Variants in NBAS observed in about 807,000 individuals in gnomAD.
The protein encoded by NBAS is NBAS subunit of NRZ tethering complex, also known as NAG/BC035112 fusion.
Under a neutral mutation model 302.5 loss-of-function variants are expected in NBAS, and 219 were observed. The ratio of observed to expected loss-of-function variants is 0.72; its 90% confidence interval spans 0.65 to 0.81. The LOEUF is 0.81. NBAS is among the 30% of genes least tolerant of loss of function. NBAS has a pLI of 0.00. For synonymous variants in NBAS, 1,118 were observed against 1,021.6 expected, an observed-to-expected ratio of 1.09 and a Z score of -1.80; for missense variants, 2,932 against 2,841.6, an observed-to-expected ratio of 1.03 and a Z score of -0.72.
chr2:15,365,779 C>CAT (rs541447448), intron 32 of NBAS, among the ~76,000 whole-genome samples: 82 of 152,136 alleles, frequency 5.4e-4, no homozygotes, highest in Non-Finnish European at 8.4e-4. Context: ...AAATATGTTA[C>CAT]ATATATATAT....
intron 25 of NBAS, among the ~76,000 whole-genome samples, chr2:15,408,347 A>T (rs1676520568): frequency 6.6e-6 from 1 of 152,144 alleles, no homozygotes; most frequent in Admixed American, 6.5e-5. Context: ...CTACCTTCTT[A>T]CTATTGTTCA....
the NBAS span, among the ~76,000 whole-genome samples, chr2:15,049,123 CA>C: frequency 7.6e-6 from 1 of 131,574 alleles, no homozygotes; most frequent in African/African-American, 2.9e-5. Flanking sequence ...AGGCTTTTTC[CA>C]AACCTGGGGT....
the NBAS span, among the ~76,000 whole-genome samples, chr2:15,036,757 G>C: frequency 1.3e-5 from 2 of 152,164 alleles, no homozygotes; most frequent in African/African-American, 4.8e-5. Context: ...CAGGTAGACA[G>C]GGCAGGTTGC....
At chr2:14,870,067 T>A in the NBAS span, among the ~76,000 whole-genome samples, 2 of 152,316 alleles carry the variant, frequency 1.3e-5, no homozygotes, top group African/African-American at 4.8e-5. Context: ...CAAACATTGG[T>A]CAACAGGTAG....
At chr2:14,954,908 A>G in the NBAS span, among the ~76,000 whole-genome samples, 1 of 152,062 alleles carries the variant, frequency 6.6e-6, no homozygotes, top group Admixed American at 6.5e-5. Flanking sequence ...TGCACTCCTG[A>G]CCCCTTCCAA....
intron 42 of NBAS, among the ~76,000 whole-genome samples, 159 bp from the exon 43 acceptor site, chr2:15,277,260 G>T (rs1669629389): frequency 6.6e-6 from 1 of 152,088 alleles, no homozygotes; most frequent in Non-Finnish European, 1.5e-5. Context: ...CCTGAATAAA[G>T]GAAAACAAAT....
chr2:14,880,393 C>T, the NBAS span, among the ~76,000 whole-genome samples: 1 of 151,892 alleles, frequency 6.6e-6, no homozygotes, highest in African/African-American at 2.4e-5. Context: ...TAAAGGAAAA[C>T]TATGACACAA....
the NBAS span, among the ~76,000 whole-genome samples, chr2:15,029,181 T>A: frequency 6.6e-6 from 1 of 152,236 alleles, no homozygotes; most frequent in African/African-American, 2.4e-5. Context: ...TAAAAAATTG[T>A]TGATTTTAAA....
chr2:15,047,842 C>T, the NBAS span, among the ~76,000 whole-genome samples: 22 of 152,366 alleles, frequency 1.4e-4, no homozygotes, highest in Admixed American at 1.0e-3. Flanking sequence ...TGCTGTGTGA[C>T]GTCAGGCAAG....
At chr2:15,340,711 T>G (rs375480071) in intron 35 of NBAS, among the ~76,000 whole-genome samples, 1 of 152,266 alleles carries the variant, frequency 6.6e-6, no homozygotes, top group East Asian at 1.9e-4. Context: ...CTAGGGTATC[T>G]AACATTTAGC....
intron 12 of NBAS, among the ~76,000 whole-genome samples, chr2:15,479,858 T>C (rs1680352561): frequency 6.6e-6 from 1 of 152,210 alleles, no homozygotes; most frequent in Non-Finnish European, 1.5e-5. Flanking sequence ...CATCCCTGTA[T>C]TCCCAGATCC....
At chr2:15,446,913 A>G (rs1678777938) in intron 21 of NBAS, among the ~76,000 whole-genome samples, 1 of 152,018 alleles carries the variant, frequency 6.6e-6, no homozygotes, top group Admixed American at 6.5e-5. Context: ...AGAAAGTATA[A>G]CTAACAATTC....
At chr2:15,250,500 A>G (rs1668311862) in intron 44 of NBAS, among the ~76,000 whole-genome samples, 1 of 152,244 alleles carries the variant, frequency 6.6e-6, no homozygotes, top group Non-Finnish European at 1.5e-5. Context: ...GCACAGCAAA[A>G]GAAACTATCA....
chr2:15,001,354 TAACA>T, the NBAS span, among the ~76,000 whole-genome samples: 1 of 152,138 alleles, frequency 6.6e-6, no homozygotes, highest in Non-Finnish European at 1.5e-5. Context: ...TTTATATATA[TAACA>T]AACAGCCACA....
intron 28 of NBAS, among the ~76,000 whole-genome samples, chr2:15,390,375 T>G (rs988825133): frequency 6.6e-6 from 1 of 152,212 alleles, no homozygotes; most frequent in Non-Finnish European, 1.5e-5. Context: ...ATGTTTTCAC[T>G]TACATGTAAA....
intron 11 of NBAS, among the ~76,000 whole-genome samples, chr2:15,497,233 A>G (rs998212040): frequency 2.0e-5 from 3 of 152,188 alleles, no homozygotes; most frequent in African/African-American, 7.2e-5. Context: ...TTCAACAGAA[A>G]GCCACTGACG....
chr2:14,852,433 G>A, the NBAS span, among the ~76,000 whole-genome samples: 1 of 93,952 alleles, frequency 1.1e-5, no homozygotes, highest in South Asian at 3.5e-4. Context: ...AATAAAAGAG[G>A]ATACAAACAA....
chr2:15,018,725 G>A, the NBAS span, among the ~76,000 whole-genome samples: 37 of 151,468 alleles, frequency 2.4e-4, no homozygotes, highest in African/African-American at 8.5e-4. Context: ...ATTTCTACAC[G>A]TAATAATTTG....
the NBAS span, among the ~76,000 whole-genome samples, chr2:14,993,440 T>C: frequency 6.6e-6 from 1 of 152,224 alleles, no homozygotes; most frequent in Non-Finnish European, 1.5e-5. Context: ...CTCTCTTCTT[T>C]GCTGAGATGA....
Sources: allele counts gnomAD v4.1 joint callset (sites outside exome capture counted in the v4.1 genomes callset), GRCh38; gene constraint gnomAD v4.1.1; transcripts MANE v1.5; gene names NCBI Gene and HGNC (gene_info 2026-07-23, HGNC 2026-07-21).